Variants in DIP2C observed in about 807,000 individuals in gnomAD.
DIP2C encodes DIP2 acetate--CoA ligase C (putative).
A neutral mutation model predicts 192.4 loss-of-function variants in DIP2C; 33 were observed. The observed-to-expected ratio is 0.17, with a 90% CI of 0.13 to 0.23. The LOEUF (loss-of-function observed/expected upper bound fraction) is 0.23. Among genes scored for constraint, DIP2C ranks in the 10% least tolerant of loss-of-function variants. DIP2C has a pLI of 1.00. For synonymous variants in DIP2C, 979 were observed against 864.1 expected, an observed-to-expected ratio of 1.13 and a Z score of -2.33; for missense variants, 1,537 against 2,110.1, an observed-to-expected ratio of 0.73 and a Z score of 5.32.
At position 333,880 on chromosome 10, in the gene DIP2C, A is replaced by G. The variant is rs115705022; in HGVS notation, c.3585-4279T>C. Among the ~76,000 whole-genome samples the G allele has an allele frequency of 4.3e-3, 659 of 152,190 alleles. 5 individuals are homozygous for G. The highest frequency in any genetic ancestry group is 0.015 in the African/African-American group (607 of 41,516). On this transcript the variant is annotated intron_variant, in intron 29 of 36. Coordinates refer to ENST00000280886, the MANE Select transcript of DIP2C (RefSeq NM_014974.3). ...TGAAGTGGTATCTCACTGTGGTTTT[A>G]ATTTGCATTTCCCTAATTAACGCTA...
At chr10:282,373 T>G (rs775600298) in intron 35 of DIP2C, among the ~76,000 whole-genome samples, 3 of 152,210 alleles carry the variant, frequency 2.0e-5, no homozygotes, top group Non-Finnish European at 4.4e-5. Context: ...TTTCCCACAA[T>G]GCAAATGTCA....
chr10:512,421 T>A (rs1846075084), intron 1 of DIP2C, among the ~76,000 whole-genome samples: 1 of 151,494 alleles, frequency 6.6e-6, no homozygotes, highest in Non-Finnish European at 1.5e-5. Context: ...AAAATAAAAA[T>A]AAAAAATTAG....
intron 1 of DIP2C, among the ~76,000 whole-genome samples, chr10:566,657 G>A (rs1312310786): frequency 2.0e-5 from 3 of 152,222 alleles, no homozygotes; most frequent in African/African-American, 7.2e-5. Context: ...GCAACCCCTG[G>A]CCAAGATTTC....
intron 9 of DIP2C, among the ~76,000 whole-genome samples, chr10:404,785 GAGATT>G (rs1358464188): frequency 6.6e-6 from 1 of 152,210 alleles, no homozygotes; most frequent in Non-Finnish European, 1.5e-5. Flanking sequence ...TTTGCTAAGA[GAGATT>G]AGAAAGGGAA....
intron 4 of DIP2C, 62 bp from the exon 5 acceptor site, chr10:423,095 TC>T (rs1966319318): frequency 6.9e-7 from 1 of 1,449,012 alleles, no homozygotes; most frequent in African/African-American, 1.4e-5. Flanking sequence ...ACAATCTCAG[TC>T]CCTCGCCAAA....
chr10:511,998 T>G (rs970629680), intron 1 of DIP2C, among the ~76,000 whole-genome samples: 4 of 152,220 alleles, frequency 2.6e-5, no homozygotes, highest in African/African-American at 9.6e-5. Context: ...GGTAAAAGCG[T>G]GAGCACCACA....
intron 1 of DIP2C, among the ~76,000 whole-genome samples, chr10:530,950 C>T (rs1286770050): frequency 6.6e-6 from 1 of 152,176 alleles, no homozygotes; most frequent in Admixed American, 6.5e-5. Flanking sequence ...CTCCCGATGC[C>T]GGCCGACCAG....
intron 24 of DIP2C, among the ~76,000 whole-genome samples, chr10:350,596 C>G (rs906658146): frequency 1.3e-5 from 2 of 149,950 alleles, no homozygotes; most frequent in Non-Finnish European, 3.0e-5. Context: ...AGGAAGACTG[C>G]AGAGCCGAAG....
intron 4 of DIP2C, among the ~76,000 whole-genome samples, chr10:434,197 C>T (rs1008800472): frequency 6.6e-6 from 1 of 152,180 alleles, no homozygotes; most frequent in African/African-American, 2.4e-5. Flanking sequence ...TAATCAAATA[C>T]ACTGTCGCTA....
At chr10:295,390 T>C (rs1215269125) in intron 32 of DIP2C, among the ~76,000 whole-genome samples, 1 of 150,628 alleles carries the variant, frequency 6.6e-6, no homozygotes, top group Non-Finnish European at 1.5e-5. Flanking sequence ...TGAAACCCCG[T>C]CTCTATTAAA....
At chr10:638,161 T>G (rs575439311) in intron 1 of DIP2C, among the ~76,000 whole-genome samples, 2 of 152,322 alleles carry the variant, frequency 1.3e-5, no homozygotes, top group South Asian at 4.1e-4. Context: ...AAAACAGGAC[T>G]GCTGTGAAAA....
intron 1 of DIP2C, among the ~76,000 whole-genome samples, chr10:619,414 T>A (rs1031909102): frequency 6.6e-6 from 1 of 151,926 alleles, no homozygotes; most frequent in Non-Finnish European, 1.5e-5. Flanking sequence ...GGCTTCCGCA[T>A]CCCCTGGTCC....
chr10:465,683 A>G (rs1589855972), intron 3 of DIP2C, among the ~76,000 whole-genome samples: 1 of 152,076 alleles, frequency 6.6e-6, no homozygotes, highest in Non-Finnish European at 1.5e-5. Context: ...AAGCAACTTC[A>G]GCAAAGTCTC....
chr10:415,076 GA>G (rs1965542914), intron 7 of DIP2C, among the ~76,000 whole-genome samples: 1 of 151,576 alleles, frequency 6.6e-6, no homozygotes, highest in Non-Finnish European at 1.5e-5. Flanking sequence ...CAAGTACTCT[GA>G]ATAACAGGAA....
intron 1 of DIP2C, among the ~76,000 whole-genome samples, chr10:671,330 C>G (rs939138316): frequency 6.6e-6 from 1 of 151,700 alleles, no homozygotes; most frequent in African/African-American, 2.4e-5. Context: ...ACGCCACAGA[C>G]GCACGGACGG....
chr10:589,681 CTT>C (rs1434534710), intron 1 of DIP2C, among the ~76,000 whole-genome samples: 4 of 152,266 alleles, frequency 2.6e-5, no homozygotes, highest in East Asian at 1.9e-4. Context: ...GTGGATGTCT[CTT>C]TGTGAAAAAA....
intron 26 of DIP2C, among the ~76,000 whole-genome samples, chr10:346,510 A>G (rs1400633191): frequency 1.5e-5 from 2 of 136,260 alleles, no homozygotes; most frequent in African/African-American, 2.9e-5. Flanking sequence ...ACCCAGACAC[A>G]TCGCGCATAG....
At chr10:664,387 C>A (rs1336044232) in intron 1 of DIP2C, 1 of 152,218 alleles carries the variant, frequency 6.6e-6, no homozygotes, top group Non-Finnish European at 1.5e-5. Context: ...ATCACCAAGT[C>A]CGCTGTGTTC....
intron 30 of DIP2C, among the ~76,000 whole-genome samples, chr10:328,005 C>T (rs549064539): frequency 2.0e-5 from 3 of 152,282 alleles, no homozygotes; most frequent in Admixed American, 6.5e-5. Flanking sequence ...GAAGGCGAGC[C>T]GTGAATGTCT....
Sources: gnomAD v4.1 joint callset for allele counts (sites outside exome capture counted in the v4.1 genomes callset) on GRCh38, gnomAD v4.1.1 for gene constraint, MANE v1.5 for transcripts, NCBI Gene and HGNC (gene_info 2026-07-23, HGNC 2026-07-21) for gene names.